Variants in RELCH observed in about 807,000 individuals in gnomAD.
The protein encoded by RELCH is RAB11 binding and LisH domain, coiled-coil and HEAT repeat containing, also known as RAB11-binding protein RELCH.
A neutral mutation model predicts 150.3 loss-of-function variants in RELCH; 41 were observed. That is an observed-to-expected ratio of 0.27 (90% CI 0.21 to 0.35). RELCH has a LOEUF of 0.35. Among genes scored for constraint, RELCH ranks in the 10% least tolerant of loss-of-function variants. The pLI, the probability that RELCH is intolerant of heterozygous loss-of-function variation, is 1.00. For synonymous variants in RELCH, 478 were observed against 531.8 expected (o/e 0.90, Z 1.39); for missense variants, 1,092 against 1,467.8 (o/e 0.74, Z 4.18).
chr18:62,271,031 GA>G (rs1394240488), intron 20 of RELCH, among the ~76,000 whole-genome samples: 1 of 152,172 alleles, frequency 6.6e-6, no homozygotes, highest in Non-Finnish European at 1.5e-5. Flanking sequence ...TTGCTATTGT[GA>G]ATAGTGCCGC....
intron 26 of RELCH, among the ~76,000 whole-genome samples, chr18:62,288,139 G>A (rs1422608770): frequency 6.6e-6 from 1 of 152,058 alleles, no homozygotes; most frequent in Non-Finnish European, 1.5e-5. Context: ...ATAAAACTAA[G>A]AAGGAAGTAA....
At chr18:62,244,084 A>G (rs1052573699) in intron 10 of RELCH, among the ~76,000 whole-genome samples, 1 of 152,128 alleles carries the variant, frequency 6.6e-6, no homozygotes. Context: ...ATGTAAAACA[A>G]TGTAATTAAT....
At chr18:62,280,502 G>T (rs1600219558) in intron 23 of RELCH, 144 bp from the exon 24 acceptor site, 1 of 1,502,162 alleles carries the variant, frequency 6.7e-7, no homozygotes, top group South Asian at 1.1e-5. Flanking sequence ...CATTCTTCTT[G>T]GTCTGCTTTT....
chr18:62,229,294 T>G (rs1278998841), intron 8 of RELCH, among the ~76,000 whole-genome samples: 1 of 152,098 alleles, frequency 6.6e-6, no homozygotes. Context: ...CTATGGTGCA[T>G]TTTCAGCCAC....
At chr18:62,281,552 CTAACTA>C (rs1396939733) in intron 24 of RELCH, among the ~76,000 whole-genome samples, 9 of 152,158 alleles carry the variant, frequency 5.9e-5, no homozygotes, top group African/African-American at 2.2e-4. Context: ...ATTTGCAACA[CTAACTA>C]TAAGACACTT....
At chr18:62,189,753 G>C (rs1197202077) in intron 1 of RELCH, among the ~76,000 whole-genome samples, 1 of 152,142 alleles carries the variant, frequency 6.6e-6, no homozygotes, top group Non-Finnish European at 1.5e-5. Flanking sequence ...AATTATAATT[G>C]AGCTCATTAA....
intron 2 of RELCH, among the ~76,000 whole-genome samples, chr18:62,216,471 A>G (rs1003110087): frequency 6.6e-6 from 1 of 152,080 alleles, no homozygotes; most frequent in African/African-American, 2.4e-5. Context: ...CTGTTTTGAG[A>G]TCTGGAGAAC....
chr18:62,228,205 T>C lies in RELCH; in HGVS notation c.1155-100T>C. The C allele has an allele frequency of 4.1e-6, 4 of 972,034 alleles. No individual in the cohort carries two copies. The South Asian group carries it at 6.6e-5, about 16-fold the overall frequency. The allele number at this position is 972,034 out of a possible 1,614,324, so 60.2% of individuals were successfully genotyped here. A position where few individuals can be genotyped will look rare whatever the true frequency, so the allele number is the denominator to read the frequency against. On this transcript the variant is annotated intron_variant, in intron 7 of 28. Coordinates refer to ENST00000644646, the MANE Select transcript of RELCH (RefSeq NM_001346231.2). The stretch of plus-strand genomic sequence containing the variant: ...GCCAATCATTTGCTACTAATACTTT[T>C]AAATATGCTTTTAAAACATTAAACC...
At chr18:62,257,830 T>A in intron 13 of RELCH, 118 bp from the exon 14 acceptor site, 1 of 782,932 alleles carries the variant, frequency 1.3e-6, no homozygotes, top group Non-Finnish European at 1.9e-6. Flanking sequence ...TCAGCATTTT[T>A]AATAAAAATG....
chr18:62,220,365 A>AT (rs377746154), intron 2 of RELCH, among the ~76,000 whole-genome samples: 4,219 of 128,100 alleles, frequency 0.033, 110 homozygotes, highest in Middle Eastern at 0.073. Context: ...GGGGTTTTGG[A>AT]TTTTTTTTTT....
chr18:62,227,757 A>G, intron 7 of RELCH, 68 bp downstream of exon 7: 1 of 716,284 alleles, frequency 1.4e-6, no homozygotes. Context: ...AGTTATGCAA[A>G]TATATGAAAC....
chr18:62,214,265 A>G (rs2040348990), intron 2 of RELCH, among the ~76,000 whole-genome samples: 1 of 152,156 alleles, frequency 6.6e-6, no homozygotes, highest in African/African-American at 2.4e-5. Context: ...TATTGAACCA[A>G]ATGTGTGTGT....
intron 1 of RELCH, among the ~76,000 whole-genome samples, chr18:62,201,460 G>A (rs187673348): frequency 2.6e-5 from 4 of 151,992 alleles, no homozygotes; most frequent in East Asian, 1.9e-4. Flanking sequence ...AATATAAAGC[G>A]AATTGCTTGA....
In RELCH at chr18:62,210,843, G is replaced by C. The variant is rs536060292; in HGVS notation, c.527-310G>C. 2.0e-5 allele frequency among the ~76,000 whole-genome samples: 3 copies of C among 152,260 alleles called. No individual in the cohort carries two copies. The East Asian group carries it at 5.8e-4, about 29-fold the overall frequency. ...CTTTCAGTAGGCACTTGTTCAATCT[G>C]TAAACTCTTTCTTAGGTGGCAGCTC... On this transcript the variant is annotated intron_variant, in intron 1 of 28. Transcript: ENST00000644646.
At chr18:62,232,625 A>G (rs2041649379) in intron 10 of RELCH, among the ~76,000 whole-genome samples, 198 bp downstream of exon 10, 1 of 152,074 alleles carries the variant, frequency 6.6e-6, no homozygotes, top group East Asian at 1.9e-4. Flanking sequence ...ACTGCATGGT[A>G]TTCATGTTTT....
intron 10 of RELCH, among the ~76,000 whole-genome samples, chr18:62,236,091 T>C (rs765200507): frequency 6.6e-5 from 10 of 151,998 alleles, no homozygotes; most frequent in East Asian, 1.9e-4. Context: ...CTATAGAATT[T>C]TTATAAATGC....
At chr18:62,255,886 C>T (rs957317461) in intron 13 of RELCH, among the ~76,000 whole-genome samples, 2 of 152,088 alleles carry the variant, frequency 1.3e-5, no homozygotes, top group Non-Finnish European at 2.9e-5. Context: ...TAGCACTAAT[C>T]AGGGCAGTGG....
At chr18:62,227,752 T>C (rs766066829) in intron 7 of RELCH, 63 bp downstream of exon 7, 11 of 729,302 alleles carry the variant, frequency 1.5e-5, no homozygotes, top group Non-Finnish European at 2.4e-5. Flanking sequence ...TGGCAAGTTA[T>C]GCAAATATAT....
chr18:62,295,439 GTT>G (rs1305552146), intron 27 of RELCH, among the ~76,000 whole-genome samples: 1 of 140,436 alleles, frequency 7.1e-6, no homozygotes, highest in African/African-American at 2.6e-5. Flanking sequence ...TTTTTTTTCT[GTT>G]TTACTTATAT....
Sources: allele counts gnomAD v4.1 joint callset (sites outside exome capture counted in the v4.1 genomes callset), GRCh38; gene constraint gnomAD v4.1.1; transcripts MANE v1.5; gene names NCBI Gene and HGNC (gene_info 2026-07-23, HGNC 2026-07-21).